AP3B1: variants seen among roughly 807,000 people sequenced by gnomAD.
The protein encoded by AP3B1 is AP-3 complex subunit beta-1.
Under a neutral mutation model 132.5 loss-of-function variants are expected in AP3B1, and 61 were observed. The observed-to-expected ratio is 0.46, with a 90% CI of 0.37 to 0.57. The LOEUF is 0.57. Among genes scored for constraint, AP3B1 ranks in the 20% least tolerant of loss-of-function variants. The pLI is 0.00. For missense variants in AP3B1, 1,120 were observed against 1,289.4 expected (o/e 0.87, Z 2.01); for synonymous variants, 388 against 438.3 (o/e 0.89, Z 1.43).
chr5:78,186,258 T>C (rs1275463512), intron 7 of AP3B1, among the ~76,000 whole-genome samples: 1 of 152,142 alleles, frequency 6.6e-6, no homozygotes, highest in African/African-American at 2.4e-5. Flanking sequence ...TAATATGAGA[T>C]AAAGTACACT....
rs199702315 is a variant in AP3B1, at chr5:78,101,011, TTTC to T, written c.2409_2411del (p.Lys804del). On this transcript the variant is annotated inframe_deletion, in exon 21 of 27. Coordinates refer to ENST00000255194, the MANE Select transcript of AP3B1 (RefSeq NM_003664.5). ...TAAGAGGAGTTCTATCTTGCTTTGT[TTTC>T]TTTTCTTTCTCCTATAAAATAACAA... 26,215 of 1,523,058 alleles carry T rather than the reference TTTC, an allele frequency of 0.017. 294 individuals carry two copies. Among genetic ancestry groups the T allele is most frequent in the Non-Finnish European group, 0.02 (21,999 of 1,103,518 alleles). 94.3% of individuals were successfully genotyped at this position (1,523,058 alleles called of 1,614,324 possible). A position where few individuals can be genotyped will look rare whatever the true frequency, so the allele number is the denominator to read the frequency against.
intron 21 of AP3B1, among the ~76,000 whole-genome samples, chr5:78,094,577 T>G (rs1389426260): frequency 6.6e-6 from 1 of 151,988 alleles, no homozygotes; most frequent in East Asian, 1.9e-4. Context: ...AGACAGACAA[T>G]CATTATTTCT....
intron 22 of AP3B1, chr5:78,043,148 T>G (rs1748168331): frequency 6.5e-6 from 1 of 152,780 alleles, no homozygotes; most frequent in African/African-American, 2.4e-5. Context: ...TTTTTTTGTT[T>G]GTTTTGAGAT....
intron 2 of AP3B1, among the ~76,000 whole-genome samples, chr5:78,266,021 A>C (rs368914721): frequency 3.0e-4 from 46 of 152,352 alleles, no homozygotes; most frequent in African/African-American, 1.1e-3. Flanking sequence ...TAAACTGAGT[A>C]ACAGATGCAC....
At chr5:78,073,946 T>C (rs1057034291) in intron 22 of AP3B1, among the ~76,000 whole-genome samples, 28 of 152,186 alleles carry the variant, frequency 1.8e-4, no homozygotes, top group Non-Finnish European at 3.4e-4. Context: ...CTTTGTTTTT[T>C]TGGGTGACCT....
At chr5:78,046,966 T>C (rs1748362010) in intron 22 of AP3B1, among the ~76,000 whole-genome samples, 2 of 152,170 alleles carry the variant, frequency 1.3e-5, no homozygotes, top group Admixed American at 1.3e-4. Flanking sequence ...TGGTTTTCTA[T>C]TCCTGTTAGT....
At chr5:78,010,251 A>G (rs886170796) in intron 26 of AP3B1, among the ~76,000 whole-genome samples, 1 of 152,206 alleles carries the variant, frequency 6.6e-6, no homozygotes, top group Non-Finnish European at 1.5e-5. Context: ...TAAACATAGG[A>G]AAAAATATTT....
intron 20 of AP3B1, 149 bp from the exon 21 acceptor site, chr5:78,101,174 G>C: frequency 1.7e-6 from 1 of 587,052 alleles, no homozygotes; most frequent in Middle Eastern, 2.8e-4. Context: ...ATGTTTTCCT[G>C]AATCAACATT....
chr5:78,036,911 A>G (rs1747831278), intron 23 of AP3B1, among the ~76,000 whole-genome samples: 1 of 152,132 alleles, frequency 6.6e-6, no homozygotes. Context: ...TAACCCTACA[A>G]TCTATTGATA....
intron 22 of AP3B1, among the ~76,000 whole-genome samples, chr5:78,075,967 G>A (rs1179258417): frequency 1.3e-5 from 2 of 152,240 alleles, no homozygotes; most frequent in Non-Finnish European, 2.9e-5. Context: ...CTTGCTAAAG[G>A]AGAAGAGTAG....
chr5:78,208,758 T>C (rs10073575), intron 7 of AP3B1, among the ~76,000 whole-genome samples: 56,232 of 151,954 alleles, frequency 0.37, 10,755 homozygotes, highest in African/African-American at 0.46. Flanking sequence ...AATATTCCAA[T>C]GGAGAACTTG....
intron 1 of AP3B1, among the ~76,000 whole-genome samples, chr5:78,268,136 A>G (rs1748403174): frequency 6.6e-6 from 1 of 152,190 alleles, no homozygotes; most frequent in African/African-American, 2.4e-5. Flanking sequence ...ATAAATAAAA[A>G]CTGTCTCTGA....
chr5:78,245,224 C>T (rs866514775), intron 2 of AP3B1, among the ~76,000 whole-genome samples: 5 of 152,110 alleles, frequency 3.3e-5, no homozygotes, highest in Admixed American at 6.6e-5. Context: ...ACGTTCAGGG[C>T]GAAACAGTGA....
intron 6 of AP3B1, among the ~76,000 whole-genome samples, chr5:78,223,892 T>G (rs1186159040): frequency 6.6e-6 from 1 of 152,190 alleles, no homozygotes; most frequent in African/African-American, 2.4e-5. Flanking sequence ...TGGGAAGACA[T>G]GCACATATTA....
intron 7 of AP3B1, among the ~76,000 whole-genome samples, chr5:78,211,439 A>G (rs954444958): frequency 6.6e-5 from 10 of 152,238 alleles, no homozygotes; most frequent in African/African-American, 2.4e-4. Context: ...CAAATAAACT[A>G]AATTAAAAAT....
intron 21 of AP3B1, among the ~76,000 whole-genome samples, chr5:78,090,364 G>C (rs1270682220): frequency 6.6e-6 from 1 of 152,210 alleles, no homozygotes; most frequent in South Asian, 2.1e-4. Flanking sequence ...TTCAGGTCCA[G>C]CTTATCTCCA....
chr5:78,038,021 T>A (rs374827992), intron 23 of AP3B1, among the ~76,000 whole-genome samples: 7 of 152,094 alleles, frequency 4.6e-5, no homozygotes, highest in African/African-American at 1.7e-4. Flanking sequence ...GGATGAAAAA[T>A]GGCCACTGAC....
At chr5:78,046,212 G>A (rs967905073) in intron 22 of AP3B1, among the ~76,000 whole-genome samples, 1 of 152,122 alleles carries the variant, frequency 6.6e-6, no homozygotes, top group Non-Finnish European at 1.5e-5. Flanking sequence ...CCGCACAGCA[G>A]GAGGTGAGTG....
intron 2 of AP3B1, among the ~76,000 whole-genome samples, chr5:78,253,701 T>C (rs1046227051): frequency 1.6e-4 from 24 of 152,158 alleles, no homozygotes; most frequent in African/African-American, 5.8e-4. Flanking sequence ...GCGCGGTGGC[T>C]CACGCCTGTA....
Sources: allele counts gnomAD v4.1 joint callset (sites outside exome capture counted in the v4.1 genomes callset), GRCh38; gene constraint gnomAD v4.1.1; transcripts MANE v1.5; gene names NCBI Gene and HGNC (gene_info 2026-07-23, HGNC 2026-07-21).